The following SF3B3 variants were observed in gnomAD, a reference collection of about 807,000 sequenced individuals.
SF3B3 encodes the protein splicing factor 3b subunit 3.
SF3B3 carries 33 observed loss-of-function variants against 139.2 expected under a neutral mutation model. That is an observed-to-expected ratio of 0.24 (90% CI 0.18 to 0.32). The LOEUF is 0.32. SF3B3 is among the 10% of genes least tolerant of loss of function. The pLI is 1.00. For missense variants in SF3B3, 818 were observed against 1,509.4 expected (o/e 0.54, Z 7.59); for synonymous variants, 596 against 563.6 (o/e 1.06, Z -0.81).
chr16:70,569,362 T>C (rs569828727), intron 23 of SF3B3, among the ~76,000 whole-genome samples: 16 of 152,352 alleles, frequency 1.1e-4, no homozygotes, highest in South Asian at 8.3e-4. Flanking sequence ...AGGTGTGTCC[T>C]GGGCTTTACT....
chr16:70,541,631 C>G, intron 8 of SF3B3, 38 bp from the exon 9 acceptor site: 1 of 1,566,074 alleles, frequency 6.4e-7, no homozygotes. Flanking sequence ...AGGCAGAGAA[C>G]TCGTTACCGA....
At chr16:70,557,085 A>T (rs1567420764) in intron 15 of SF3B3, 56 bp downstream of exon 15, 2 of 1,503,682 alleles carry the variant, frequency 1.3e-6, no homozygotes, top group East Asian at 4.7e-5. Context: ...CGTTTCACAC[A>T]CTCCTTTGTT....
intron 6 of SF3B3, among the ~76,000 whole-genome samples, chr16:70,536,374 A>G (rs1043142579): frequency 1.3e-5 from 2 of 150,982 alleles, no homozygotes; most frequent in Middle Eastern, 3.2e-3. Flanking sequence ...TTATTTATTT[A>G]TTTATTTGAG....
Position 70,571,843 on chromosome 16 carries a change from G to A in SF3B3, c.*30G>A, listed in dbSNP as rs1012899425. The A allele has an allele frequency of 3.1e-6, 5 of 1,589,946 alleles. No individual in the cohort carries two copies. Among genetic ancestry groups the A allele is most frequent in the Non-Finnish European group, 4.3e-6 (5 of 1,170,100 alleles). On this transcript the variant is annotated 3_prime_UTR_variant, in exon 26 of 26. Transcript: ENST00000302516. ...TCCTTTCCCGGTGGGGCTTGCCAGAGACTGTGTGTTTTGTTTCCCCCACCA... is the reference window on the plus strand; with the variant it reads ...TCCTTTCCCGGTGGGGCTTGCCAGAAACTGTGTGTTTTGTTTCCCCCACCA...
intron 20 of SF3B3, among the ~76,000 whole-genome samples, chr16:70,566,113 C>CAAA (rs112893145): frequency 8.5e-6 from 1 of 117,756 alleles, no homozygotes; most frequent in African/African-American, 2.9e-5. Flanking sequence ...GTGAGACTGT[C>CAAA]AAAAAAAAAA....
chr16:70,548,292 T>G, intron 10 of SF3B3, 78 bp from the exon 11 acceptor site: 1 of 1,196,978 alleles, frequency 8.4e-7, no homozygotes, highest in East Asian at 2.3e-5. Flanking sequence ...CTTTGAGACC[T>G]TATTTTTTGA....
At chr16:70,568,906 A>G (rs1265842598) in intron 22 of SF3B3, 137 bp from the exon 23 acceptor site, 12 of 604,036 alleles carry the variant, frequency 2.0e-5, no homozygotes, top group South Asian at 8.7e-5. Flanking sequence ...GAGCAGGTGC[A>G]GGACACGTGG....
rs922969309 is a variant in SF3B3, at chr16:70,538,545, G to T, written c.963+85G>T. 4 of 1,233,754 alleles carry T rather than the reference G, an allele frequency of 3.2e-6. No individual in the cohort carries two copies. The South Asian group carries it at 5.9e-5, about 18-fold the overall frequency. The allele number at this position is 1,233,754 out of a possible 1,614,324, so 76.4% of individuals were successfully genotyped here. A position where few individuals can be genotyped will look rare whatever the true frequency, so the allele number is the denominator to read the frequency against. ...GTAATACTTTACAAGTTAAAAAAAT[G>T]AGAACTTAGAAAGTAGTTGCCCTTG... On this transcript the variant is annotated intron_variant, in intron 7 of 25. Coordinates refer to ENST00000302516, the MANE Select transcript of SF3B3 (RefSeq NM_012426.5).
chr16:70,564,294 C>T (rs763920515), intron 18 of SF3B3, among the ~76,000 whole-genome samples: 1 of 152,090 alleles, frequency 6.6e-6, no homozygotes, highest in East Asian at 1.9e-4. Flanking sequence ...ATCACTTGAG[C>T]CCAGGAGTTC....
chr16:70,547,791 G>A (rs1373410230), intron 10 of SF3B3, among the ~76,000 whole-genome samples: 1 of 152,134 alleles, frequency 6.6e-6, no homozygotes, highest in East Asian at 1.9e-4. Flanking sequence ...GGGTTTCACC[G>A]TGTTGGCCAG....
Position 70,538,373 on chromosome 16 carries a change from C to T in SF3B3, c.876C>T (p.Thr292=), listed in dbSNP as rs1297011376. Reference sequence around the variant, plus strand: ...GAATGATTTTTGTCTGCTCTGCAACCCATAAAACCAAATCGATGTTCTTCT... The same window carrying T: ...GAATGATTTTTGTCTGCTCTGCAACTCATAAAACCAAATCGATGTTCTTCT... ...ERGMIFVCSA[T]HKTKSMFFFL... The change falls in exon 7 of 26, where the codon ACC becomes ACT. Residue 292 remains threonine, a synonymous_variant. Coordinates refer to ENST00000302516, the MANE Select transcript of SF3B3 (RefSeq NM_012426.5). The T allele has an allele frequency of 6.2e-7, 1 of 1,613,754 alleles. No individual in the cohort carries two copies. The highest frequency in any genetic ancestry group is 8.5e-7 in the Non-Finnish European group (1 of 1,179,668).
rs979385070 is a variant in SF3B3 at position 70,526,906 on chromosome 16, C to T, written c.70+180C>T. The T allele has an allele frequency of 2.0e-5, 12 of 598,016 alleles. No homozygotes were observed. The Middle Eastern group carries it at 1.3e-3, about 65-fold the overall frequency. The allele number at this position is 598,016 out of a possible 1,614,324, so 37.0% of individuals were successfully genotyped here. On this transcript the variant is annotated intron_variant, in intron 2 of 25. Coordinates refer to ENST00000302516, the MANE Select transcript of SF3B3 (RefSeq NM_012426.5). ...CATTATCTGTTACCTATTTCAGATGCATTTCCTAGTTCACAAATTGTGTAA... is the reference window on the plus strand; with the variant it reads ...CATTATCTGTTACCTATTTCAGATGTATTTCCTAGTTCACAAATTGTGTAA...
intron 9 of SF3B3, among the ~76,000 whole-genome samples, chr16:70,543,533 C>T (rs2050239884): frequency 6.6e-6 from 1 of 151,740 alleles, no homozygotes. Flanking sequence ...CACGGTGAAA[C>T]CCCGTCTCTA....
chr16:70,560,490 G>A lies in SF3B3; in HGVS notation c.2032G>A (p.Val678Ile). The change falls in exon 16 of 26, where the codon GTC becomes ATC. Residue 678 changes from valine (V) to isoleucine (I), a missense_variant. Transcript: ENST00000302516. ...GLQNGVLLRTVLDPVTGDLSD... is the reference protein window; with the variant it reads ...GLQNGVLLRTILDPVTGDLSD... ...TTAGAACGGTGTGCTGCTGAGGACTGTCTTGGACCCTGTCACTGGGGATTT... is the reference window on the plus strand; with the variant it reads ...TTAGAACGGTGTGCTGCTGAGGACTATCTTGGACCCTGTCACTGGGGATTT... 1 of 1,613,852 alleles carries A rather than the reference G, an allele frequency of 6.2e-7. No homozygotes were observed. Among genetic ancestry groups the A allele is most frequent in the Non-Finnish European group, 8.5e-7 (1 of 1,179,810 alleles).
At position 70,554,573 on chromosome 16, in the gene SF3B3, A is replaced by C; in HGVS notation, c.1530A>C (p.Leu510Phe). The C allele has an allele frequency of 6.2e-7, 1 of 1,614,114 alleles. No individual in the cohort carries two copies. The highest frequency in any genetic ancestry group is 8.5e-7 in the Non-Finnish European group (1 of 1,180,020). ...LGTTPTLSCS[L>F]LGDDALVQVY... ...CCACCCCGACCTTGTCCTGCTCCTT[A>C]TTAGGAGATGATGCCTTGGTGCAGG... The change falls in exon 12 of 26, where the codon TTA becomes TTC. Residue 510 changes from leucine to phenylalanine, a missense_variant. Coordinates refer to ENST00000302516, the MANE Select transcript of SF3B3 (RefSeq NM_012426.5).
rs976707146 is a variant in SF3B3 at position 70,527,176 on chromosome 16, T to C, written c.70+450T>C. 3.2e-4 allele frequency among the ~76,000 whole-genome samples: 48 copies of C among 152,194 alleles called. 1 individual carries two copies. The highest frequency in any genetic ancestry group is 1.2e-4 in the Non-Finnish European group (8 of 68,038). ...CTTTTGTATGAGAGAAAAGGGAAAA[T>C]GCAGTTTAGGTAGGGAGTGCTGTCT... is the stretch of plus-strand genomic sequence containing the variant. On this transcript the variant is annotated intron_variant, in intron 2 of 25. Coordinates refer to ENST00000302516, the MANE Select transcript of SF3B3 (RefSeq NM_012426.5).
chr16:70,535,484 CT>C, intron 6 of SF3B3, 64 bp downstream of exon 6: 2 of 855,946 alleles, frequency 2.3e-6, no homozygotes, highest in Non-Finnish European at 3.6e-6. Context: ...AGTGTAGTCT[CT>C]TAGTTTGTTA....
chr16:70,536,706 C>T (rs1162309426), intron 6 of SF3B3, among the ~76,000 whole-genome samples: 2 of 151,670 alleles, frequency 1.3e-5, no homozygotes, highest in East Asian at 1.9e-4. Flanking sequence ...TGGCCATTCT[C>T]GTCCCAAACT....
intron 20 of SF3B3, among the ~76,000 whole-genome samples, chr16:70,566,131 T>A (rs892187829): frequency 4.6e-5 from 7 of 151,206 alleles, no homozygotes; most frequent in African/African-American, 1.7e-4. Flanking sequence ...AAAAAAAGAT[T>A]TAATATTCTT....
Sources: gnomAD v4.1 joint callset for allele counts (sites outside exome capture counted in the v4.1 genomes callset) on GRCh38, gnomAD v4.1.1 for gene constraint, MANE v1.5 for transcripts, NCBI Gene and HGNC (gene_info 2026-07-23, HGNC 2026-07-21) for gene names.